PARD3B: variants seen among roughly 807,000 people sequenced by gnomAD.
PARD3B encodes par-3 family cell polarity regulator beta, also known as partitioning defective 3 homolog B.
A neutral mutation model predicts 130.2 loss-of-function variants in PARD3B; 103 were observed. That is an observed-to-expected ratio of 0.79 (90% CI 0.67 to 0.93). The LOEUF is 0.93. Ranked by LOEUF, PARD3B falls within the 40% of genes least tolerant of loss-of-function variation. The probability of loss-of-function intolerance (pLI) is 0.00; values close to 1 mark genes in which losing one functional copy is unlikely to be tolerated. For synonymous variants in PARD3B, 583 were observed against 553.2 expected (o/e 1.05, Z -0.76); for missense variants, 1,609 against 1,499.2 (o/e 1.07, Z -1.21).
intron 19 of PARD3B, among the ~76,000 whole-genome samples, chr2:205,430,089 G>A (rs978562781): frequency 2.6e-5 from 4 of 152,124 alleles, no homozygotes; most frequent in African/African-American, 9.7e-5. Context: ...TTAATTACAT[G>A]TACAGAGACC....
intron 2 of PARD3B, among the ~76,000 whole-genome samples, chr2:204,703,650 G>C (rs567115235): frequency 1.3e-5 from 2 of 152,046 alleles, no homozygotes; most frequent in African/African-American, 2.4e-5. Context: ...TTCAGAACTC[G>C]TTAGCTTAAT....
intron 1 of PARD3B, among the ~76,000 whole-genome samples, chr2:204,574,194 T>C (rs1304934231): frequency 6.6e-6 from 1 of 152,206 alleles, no homozygotes; most frequent in Non-Finnish European, 1.5e-5. Context: ...AGAAAGATGC[T>C]TCATTGCAAT....
chr2:205,409,558 T>C (rs2046526619), intron 19 of PARD3B, among the ~76,000 whole-genome samples: 2 of 152,156 alleles, frequency 1.3e-5, no homozygotes, highest in Non-Finnish European at 2.9e-5. Context: ...GCCAGCATTT[T>C]TTATGAGCCA....
intron 21 of PARD3B, among the ~76,000 whole-genome samples, chr2:205,540,791 G>T (rs145606763): frequency 6.6e-6 from 1 of 152,324 alleles, no homozygotes; most frequent in East Asian, 1.9e-4. Context: ...TGGCAAGCAT[G>T]CATTATTCTT....
chr2:205,010,852 C>A (rs1695653554), intron 3 of PARD3B, among the ~76,000 whole-genome samples: 1 of 151,986 alleles, frequency 6.6e-6, no homozygotes, highest in South Asian at 2.1e-4. Flanking sequence ...TGATATTTTA[C>A]CTTTGTCTTC....
intron 3 of PARD3B, among the ~76,000 whole-genome samples, chr2:205,003,672 G>T (rs535786445): frequency 5.5e-4 from 83 of 152,260 alleles, no homozygotes; most frequent in Non-Finnish European, 9.7e-4. Flanking sequence ...TATGTTTGTT[G>T]TCTGTAACAT....
intron 22 of PARD3B, among the ~76,000 whole-genome samples, chr2:205,605,154 G>A (rs1437692690): frequency 6.6e-6 from 1 of 152,182 alleles, no homozygotes; most frequent in African/African-American, 2.4e-5. Flanking sequence ...GTTAGAACAT[G>A]CTTCTTTAGC....
chr2:205,264,919 T>C (rs1298530116), intron 16 of PARD3B, among the ~76,000 whole-genome samples: 2 of 151,192 alleles, frequency 1.3e-5, no homozygotes, highest in Non-Finnish European at 3.0e-5. Context: ...TCATTTTATC[T>C]ATTGTAAACT....
intron 3 of PARD3B, among the ~76,000 whole-genome samples, chr2:205,022,864 C>G (rs553662594): frequency 8.5e-5 from 13 of 152,256 alleles, no homozygotes; most frequent in African/African-American, 3.1e-4. Context: ...TGCAAGGCAT[C>G]CTTCTACATC....
intron 10 of PARD3B, among the ~76,000 whole-genome samples, chr2:205,151,804 T>G (rs191412594): frequency 3.3e-3 from 496 of 152,332 alleles, no homozygotes; most frequent in African/African-American, 9.7e-3. Flanking sequence ...CCTGTCATTA[T>G]GATGTTAGCT....
chr2:205,156,103 T>G (rs1050619253), intron 10 of PARD3B, among the ~76,000 whole-genome samples: 1 of 152,026 alleles, frequency 6.6e-6, no homozygotes, highest in Admixed American at 6.6e-5. Flanking sequence ...TGAGTTAATG[T>G]CCTTTGTAGG....
chr2:204,838,186 AT>A (rs2044123683), intron 2 of PARD3B, among the ~76,000 whole-genome samples: 1 of 138,876 alleles, frequency 7.2e-6, no homozygotes, highest in Non-Finnish European at 1.7e-5. Flanking sequence ...TTTCGTTATT[AT>A]TATTATTATT....
intron 18 of PARD3B, among the ~76,000 whole-genome samples, chr2:205,372,316 A>G (rs1005881029): frequency 3.3e-5 from 5 of 152,120 alleles, no homozygotes; most frequent in African/African-American, 9.7e-5. Context: ...CCTCACAAAC[A>G]TGTGTTCTTA....
chr2:205,024,853 T>A (rs1696896986), intron 3 of PARD3B, among the ~76,000 whole-genome samples: 1 of 152,240 alleles, frequency 6.6e-6, no homozygotes. Context: ...ATAAACAGCA[T>A]GCCCTCTGGC....
chr2:205,553,251 T>A, intron 21 of PARD3B, 73 bp from the exon 22 acceptor site: 2 of 1,420,956 alleles, frequency 1.4e-6, no homozygotes, highest in Non-Finnish European at 2.0e-6. Context: ...GCACTGATTA[T>A]AATTTCGAGA....
chr2:205,206,748 G>C (rs1214396708), intron 15 of PARD3B, among the ~76,000 whole-genome samples: 1 of 151,936 alleles, frequency 6.6e-6, no homozygotes, highest in African/African-American at 2.4e-5. Context: ...GGGATGGCTG[G>C]GTCAAATGGT....
At chr2:205,117,906 T>C (rs1044348555) in intron 6 of PARD3B, among the ~76,000 whole-genome samples, 10 of 14,286 alleles carry the variant, frequency 7.0e-4, no homozygotes, top group Admixed American at 6.9e-3. Context: ...GAATTGTGTA[T>C]GTATGTGTGT....
intron 22 of PARD3B, among the ~76,000 whole-genome samples, chr2:205,580,745 C>T (rs1166941767): frequency 6.6e-6 from 1 of 151,988 alleles, no homozygotes; most frequent in Non-Finnish European, 1.5e-5. Context: ...TTAAATCTTC[C>T]TCTGTTTCAA....
At chr2:205,145,151 T>C (rs184346451) in intron 10 of PARD3B, among the ~76,000 whole-genome samples, 86 of 152,232 alleles carry the variant, frequency 5.6e-4, no homozygotes, top group Admixed American at 1.6e-3. Flanking sequence ...GTACCCTAAA[T>C]AACGGCACAT....
Sources: gnomAD v4.1 joint callset for allele counts (sites outside exome capture counted in the v4.1 genomes callset) on GRCh38, gnomAD v4.1.1 for gene constraint, MANE v1.5 for transcripts, NCBI Gene and HGNC (gene_info 2026-07-23, HGNC 2026-07-21) for gene names.